CEMIP: variants seen among roughly 807,000 people sequenced by gnomAD.
CEMIP encodes cell migration-inducing and hyaluronan-binding protein.
In CEMIP, 105 loss-of-function variants were observed where a neutral mutation model predicts 156.9. The observed-to-expected ratio is 0.67, with a 90% CI of 0.57 to 0.79. CEMIP has a LOEUF of 0.79. CEMIP is among the 30% of genes least tolerant of loss of function. The probability of loss-of-function intolerance (pLI) is 0.00; values close to 1 mark genes in which losing one functional copy is unlikely to be tolerated. For synonymous variants in CEMIP, 676 were observed against 668.4 expected, an observed-to-expected ratio of 1.01 and a Z score of -0.17; for missense variants, 1,457 against 1,769.4, an observed-to-expected ratio of 0.82 and a Z score of 3.17.
chr15:80,945,819 T>C (rs1006474557), intron 28 of CEMIP, among the ~76,000 whole-genome samples: 28 of 152,218 alleles, frequency 1.8e-4, no homozygotes, highest in African/African-American at 6.5e-4. Context: ...TCCTCCTATC[T>C]GGCCCAGTGT....
In CEMIP at chr15:80,912,216, A is replaced by C. The variant is rs561626057; in HGVS notation, c.1797+2910A>C. 4.7e-4 allele frequency among the ~76,000 whole-genome samples: 72 copies of C among 152,298 alleles called. 1 individual carries two copies. The highest frequency in any genetic ancestry group is 1.7e-3 in the African/African-American group (71 of 41,564). Reference sequence around the variant, plus strand: ...TGAGAGATGCGTGGGGCAAGAGGGAAGGCAGCAGTTCAGGGGTAGCCCATG... The same window carrying C: ...TGAGAGATGCGTGGGGCAAGAGGGACGGCAGCAGTTCAGGGGTAGCCCATG... On this transcript the variant is annotated intron_variant, in intron 14 of 29. Transcript: ENST00000394685.
At position 80,845,409 on chromosome 15, in the gene CEMIP, C is replaced by T. The variant is rs143277623; in HGVS notation, c.-175-28129C>T. Among the ~76,000 whole-genome samples, 327 of 152,180 alleles carry T rather than the reference C, an allele frequency of 2.1e-3. 1 individual carries two copies. Among genetic ancestry groups the T allele is most frequent in the Non-Finnish European group, 3.5e-3 (236 of 68,014 alleles). ...TCACACCACTGCATTCTAGCCTGGG[C>T]AACAAAGTGAGACCCTATTTCAAAA... On this transcript the variant is annotated intron_variant, in intron 1 of 29. Coordinates refer to ENST00000394685, the MANE Select transcript of CEMIP (RefSeq NM_001293298.2).
At position 80,909,160 on chromosome 15, in the gene CEMIP, C is replaced by G; in HGVS notation, c.1651C>G (p.Leu551Val). The change falls in exon 14 of 30, where the codon CTG (leucine) becomes GTG (valine). Residue 551 changes from leucine to valine, a missense_variant. Coordinates refer to ENST00000394685, the MANE Select transcript of CEMIP (RefSeq NM_001293298.2). ...GGAGCTGAAGCATATGGGACAGCAG[C>G]TGGTGGGTCAGTACCCGATTCACTT... ...GTELKHMGQQ[L>V]VGQYPIHFHL... is the part of the protein sequence containing the mutation. 2 of 1,614,160 alleles carry G rather than the reference C, an allele frequency of 1.2e-6. No individual in the cohort carries two copies. Among genetic ancestry groups the G allele is most frequent in the South Asian group, 1.1e-5 (1 of 91,070 alleles).
In CEMIP at chr15:80,859,862, A is replaced by G. The variant is rs1466557506; in HGVS notation, c.-175-13676A>G. Among the ~76,000 whole-genome samples the G allele has an allele frequency of 5.3e-5, 8 of 152,300 alleles. No individual in the cohort carries two copies. In the South Asian group the frequency reaches 1.5e-3, roughly 28 times the overall value. ...TCTGCTGTACCTCTAGAAGGGTTTT[A>G]CCTGCATCAGAATCTTTCAGGGTGT... is the stretch of plus-strand genomic sequence containing the variant. On this transcript the variant is annotated intron_variant, in intron 1 of 29. Coordinates refer to ENST00000394685, the MANE Select transcript of CEMIP (RefSeq NM_001293298.2).
intron 1 of CEMIP, among the ~76,000 whole-genome samples, chr15:80,817,326 C>T (rs1233143922): frequency 6.6e-6 from 1 of 152,052 alleles, no homozygotes; most frequent in Non-Finnish European, 1.5e-5. Context: ...TAGTGGCTCA[C>T]ACCTGTAGTC....
rs113427876 is a variant in CEMIP, at chr15:80,917,584, T to G, written c.1798-2510T>G. Among the ~76,000 whole-genome samples the G allele has an allele frequency of 5.4e-3, 818 of 152,352 alleles. 7 individuals carry two copies. Among genetic ancestry groups the G allele is most frequent in the African/African-American group, 0.019 (781 of 41,578 alleles). On this transcript the variant is annotated intron_variant, in intron 14 of 29. Coordinates refer to ENST00000394685, the MANE Select transcript of CEMIP (RefSeq NM_001293298.2). ...TTGGCTGACCTTGATATTGATTGAC[T>G]TATTAAACAGGTGAATAGGATTCAA...
intron 1 of CEMIP, among the ~76,000 whole-genome samples, chr15:80,872,282 A>C (rs1295292781): frequency 6.6e-6 from 1 of 152,160 alleles, no homozygotes; most frequent in Non-Finnish European, 1.5e-5. Context: ...CAGAGGAGAA[A>C]TTGCGGAGAT....
rs1901725040 is a variant in CEMIP at position 80,949,479 on chromosome 15, G to A, written c.*555G>A. On this transcript the variant is annotated 3_prime_UTR_variant, in exon 30 of 30. Transcript: ENST00000394685. ...TGGGGAAGAGGCAAGCCCTGCCTCT[G>A]GCCGTGTCCACCTTTCAGGAGACTT... The A allele has an allele frequency of 5.4e-6, 1 of 183,652 alleles. No homozygotes were observed. Among genetic ancestry groups the A allele is most frequent in the African/African-American group, 2.3e-5 (1 of 42,596 alleles). The allele number at this position is 183,652 out of a possible 1,614,324, so 11.4% of individuals were successfully genotyped here.
At chr15:80,857,112 G>A (rs1410926690) in intron 1 of CEMIP, among the ~76,000 whole-genome samples, 2 of 152,206 alleles carry the variant, frequency 1.3e-5, no homozygotes, top group African/African-American at 4.8e-5. Flanking sequence ...GTGCTCTTTC[G>A]ACTCCACTCT....
At chr15:80,834,712 A>G (rs1351545105) in intron 1 of CEMIP, among the ~76,000 whole-genome samples, 1 of 152,166 alleles carries the variant, frequency 6.6e-6, no homozygotes, top group Non-Finnish European at 1.5e-5. Context: ...AAGGCCTCCC[A>G]CTTTGTTCTT....
chr15:80,880,752 T>G, intron 5 of CEMIP, 148 bp from the exon 6 acceptor site: 1 of 771,192 alleles, frequency 1.3e-6, no homozygotes, highest in East Asian at 2.4e-5. Flanking sequence ...TTATTTTTAC[T>G]GACCTCAGGT....
At position 80,844,706 on chromosome 15, in the gene CEMIP, G is replaced by A. The variant is rs141073017; in HGVS notation, c.-175-28832G>A. Among the ~76,000 whole-genome samples the A allele has an allele frequency of 6.5e-3, 990 of 152,348 alleles. 4 individuals are homozygous for A. The highest frequency in any genetic ancestry group is 0.023 in the African/African-American group (945 of 41,576). On this transcript the variant is annotated intron_variant, in intron 1 of 29. Transcript: ENST00000394685. Reference sequence around the variant, plus strand: ...GATTTCAGGGCCTACCATCCCCAAAGTGACAGAAGATAGCATGGAATGAGG... The same window carrying A: ...GATTTCAGGGCCTACCATCCCCAAAATGACAGAAGATAGCATGGAATGAGG...
Position 80,906,853 on chromosome 15 carries a change from G to A in CEMIP, c.1587+15G>A, listed in dbSNP as rs1899829130. On this transcript the variant is annotated intron_variant, in intron 13 of 29. Transcript: ENST00000394685. This position sits in a 1 kb window ranked among gnomAD's most constrained non-coding sequence, Gnocchi z 4.3. The stretch of plus-strand genomic sequence containing the variant: ...GCCACATCAAGGTATGTGTCTCTCT[G>A]GCAGAGTCTTTCAACCCAACCAGGA... The A allele has an allele frequency of 6.2e-7, 1 of 1,604,146 alleles. No individual in the cohort carries two copies. Among genetic ancestry groups the A allele is most frequent in the Non-Finnish European group, 8.5e-7 (1 of 1,174,890 alleles).
chr15:80,854,334 T>C (rs1007635913), intron 1 of CEMIP, among the ~76,000 whole-genome samples: 1 of 152,200 alleles, frequency 6.6e-6, no homozygotes, highest in African/African-American at 2.4e-5. Context: ...TGGCAACTTC[T>C]CCTGGCTATA....
chr15:80,780,134 G>A (rs1895752945), intron 1 of CEMIP, among the ~76,000 whole-genome samples: 2 of 152,134 alleles, frequency 1.3e-5, no homozygotes, highest in South Asian at 4.1e-4. Flanking sequence ...AGTTTCCCTC[G>A]CCTCCCAGTG....
chr15:80,907,745 C>T (rs764508688), intron 13 of CEMIP, among the ~76,000 whole-genome samples: 1 of 151,058 alleles, frequency 6.6e-6, no homozygotes, highest in African/African-American at 2.5e-5. Context: ...AGAGGAATTT[C>T]TTTTATATCA....
chr15:80,829,981 T>TGTGC (rs1356724297), intron 1 of CEMIP, among the ~76,000 whole-genome samples: 2 of 134,254 alleles, frequency 1.5e-5, no homozygotes, highest in Non-Finnish European at 3.2e-5. Flanking sequence ...TGTGTGTGTG[T>TGTGC]GTGTGTGTGT....
At chr15:80,889,390 G>A (rs1181163441) in intron 9 of CEMIP, 81 bp from the exon 10 acceptor site, 3 of 1,595,910 alleles carry the variant, frequency 1.9e-6, no homozygotes, top group African/African-American at 2.7e-5. Flanking sequence ...ATGGTGCTGA[G>A]GATGCTTGGA....
At chr15:80,857,993 T>C (rs1378664240) in intron 1 of CEMIP, among the ~76,000 whole-genome samples, 1 of 152,106 alleles carries the variant, frequency 6.6e-6, no homozygotes, top group Non-Finnish European at 1.5e-5. Flanking sequence ...GCTTGGCATC[T>C]TCAAGGAAAT....
Sources: gnomAD v4.1 joint callset for allele counts (sites outside exome capture counted in the v4.1 genomes callset) on GRCh38, gnomAD v4.1.1 for gene constraint, Gnocchi (gnomAD v3.1) non-coding constraint, MANE v1.5 for transcripts, NCBI Gene and HGNC (gene_info 2026-07-23, HGNC 2026-07-21) for gene names.